SORBS2: variants seen among roughly 807,000 people sequenced by gnomAD.
SORBS2 encodes sorbin and SH3 domain-containing protein 2.
In SORBS2, 46 loss-of-function variants were observed where a neutral mutation model predicts 97.7. That is an observed-to-expected ratio of 0.47 (90% confidence interval 0.37 to 0.60). The LOEUF (loss-of-function observed/expected upper bound fraction) is 0.60. Ranked by LOEUF, SORBS2 falls within the 20% of genes least tolerant of loss-of-function variation. The pLI is 0.00. For missense variants in SORBS2, 1,316 were observed against 1,282.3 expected (o/e 1.03, Z -0.40); for synonymous variants, 476 against 473.4 (o/e 1.01, Z -0.07).
chr4:185,752,291 T>C (rs1227444968), intron 2 of SORBS2, among the ~76,000 whole-genome samples: 7 of 152,212 alleles, frequency 4.6e-5, no homozygotes, highest in African/African-American at 1.7e-4. Context: ...TATTTACTTA[T>C]ATGAGACAGA....
chr4:185,903,249 C>T (rs2099248708), intron 1 of SORBS2, among the ~76,000 whole-genome samples: 1 of 152,132 alleles, frequency 6.6e-6, no homozygotes, highest in African/African-American at 2.4e-5. Flanking sequence ...CAAAATGTTT[C>T]ATGGCTAATT....
chr4:185,746,319 C>T (rs530239894), intron 2 of SORBS2, among the ~76,000 whole-genome samples: 407 of 151,982 alleles, frequency 2.7e-3, no homozygotes, highest in African/African-American at 9.3e-3. Flanking sequence ...TCTTCTTTTT[C>T]TTTTTGTTCT....
chr4:185,612,491 A>AT (rs112327583), intron 11 of SORBS2, among the ~76,000 whole-genome samples: 16,521 of 114,868 alleles, frequency 0.14, 1,127 homozygotes, highest in Admixed American at 0.2. Context: ...TTTTATTTCT[A>AT]TTTTTTTTTT....
chr4:185,855,773 ACCACACAT>A (rs1394707407), intron 1 of SORBS2, among the ~76,000 whole-genome samples: 2 of 152,110 alleles, frequency 1.3e-5, no homozygotes, highest in Non-Finnish European at 2.9e-5. Context: ...TTCCTTCACC[ACCACACAT>A]CCTATCTAAG....
Position 185,928,550 on chromosome 4 carries a change from T to C in SORBS2, c.-338+27646A>G, listed in dbSNP as rs144381110. Among the ~76,000 whole-genome samples, 72 of 152,242 alleles carry C rather than the reference T, an allele frequency of 4.7e-4. No homozygotes were observed. In the East Asian group the frequency reaches 0.011, roughly 23 times the overall value. ...ATGGATTTCATGTATAAGAAGCTTC[T>C]TCTTCTTTTTTTTGAGACGGAGTTT... is the stretch of plus-strand genomic sequence containing the variant. On this transcript the variant is annotated intron_variant, in intron 1 of 20. Coordinates refer to the SORBS2 transcript ENST00000284776.
intron 1 of SORBS2, among the ~76,000 whole-genome samples, chr4:185,845,138 T>C (rs1284392768): frequency 6.6e-6 from 1 of 151,224 alleles, no homozygotes; most frequent in African/African-American, 2.4e-5. Context: ...TCAGCCCCCC[T>C]AGTACCTGGG....
intron 1 of SORBS2, among the ~76,000 whole-genome samples, chr4:185,955,267 T>C (rs1316522716): frequency 1.3e-5 from 2 of 152,224 alleles, no homozygotes; most frequent in Non-Finnish European, 2.9e-5. Flanking sequence ...TGATGTGTGA[T>C]GTCACTTGTC....
intron 1 of SORBS2, chr4:185,656,548 C>CTTTA: frequency 8.2e-7 from 1 of 1,224,162 alleles, no homozygotes; most frequent in South Asian, 1.4e-5. Context: ...CACACCCCAG[C>CTTTA]TTTACATGGG....
intron 1 of SORBS2, among the ~76,000 whole-genome samples, chr4:185,862,188 G>A (rs2099224201): frequency 6.6e-6 from 1 of 152,202 alleles, no homozygotes; most frequent in Non-Finnish European, 1.5e-5. Context: ...GCATTACTAA[G>A]AGCAACAGCA....
chr4:185,746,642 G>T (rs890391865), intron 2 of SORBS2, among the ~76,000 whole-genome samples: 3 of 152,128 alleles, frequency 2.0e-5, no homozygotes, highest in African/African-American at 4.8e-5. Flanking sequence ...TTTCTTAGGT[G>T]GGAATGGAGT....
rs764523635 is a variant in SORBS2 at position 185,615,138 on chromosome 4, T to A, written c.2373A>T (p.Gly791=). The A allele has an allele frequency of 1.9e-6, 3 of 1,610,810 alleles. No homozygotes were observed. The Admixed American group carries it at 5.0e-5, about 27-fold the overall frequency. The stretch of plus-strand genomic sequence containing the variant: ...TTTTCCTGAGGATGTAGACAGTATC[T>A]CCTTTCTTAAATGACAACTCCCTGG... The change falls in exon 10 of 15, where the codon GGA becomes GGT. Residue 791 remains glycine (G), a synonymous_variant. Transcript: ENST00000418609.
rs150516870 is a variant in SORBS2 at position 185,705,507 on chromosome 4, C to T, written c.-197-26685G>A. ...GTTGCAGTGAGCCAAGGTCGCGCCA[C>T]TGTACTCCAGCCTGGCGACAGAGCA... is the stretch of plus-strand genomic sequence containing the variant. On this transcript the variant is annotated intron_variant, in intron 2 of 20. Transcript: ENST00000284776. 7.9e-3 allele frequency among the ~76,000 whole-genome samples: 1,205 copies of T among 151,866 alleles called. 19 individuals carry two copies. Among genetic ancestry groups the T allele is most frequent in the African/African-American group, 0.028 (1,179 of 41,404 alleles).
At chr4:185,624,717 CAG>C (rs761641420) in intron 6 of SORBS2, among the ~76,000 whole-genome samples, 35 of 152,180 alleles carry the variant, frequency 2.3e-4, no homozygotes, top group Non-Finnish European at 4.0e-4. Context: ...TGTAGCTTTG[CAG>C]AGAGAGTTGA....
upstream of SORBS2, chr4:185,657,532 G>T (rs755162093): frequency 1.3e-6 from 2 of 1,582,516 alleles, no homozygotes; most frequent in African/African-American, 2.8e-5. Context: ...ATCGGTACAG[G>T]GGGATAGAGC....
intron 9 of SORBS2, among the ~76,000 whole-genome samples, chr4:185,617,471 C>G (rs2096646667): frequency 6.6e-6 from 1 of 151,974 alleles, no homozygotes; most frequent in African/African-American, 2.4e-5. Flanking sequence ...GAGACAGTTT[C>G]TAGAGCTATT....
intron 1 of SORBS2, among the ~76,000 whole-genome samples, chr4:185,802,783 C>T (rs555005343): frequency 1.3e-5 from 2 of 152,254 alleles, no homozygotes; most frequent in African/African-American, 2.4e-5. Context: ...TGACACTTGC[C>T]AGATGAAATT....
intron 2 of SORBS2, among the ~76,000 whole-genome samples, chr4:185,753,921 T>C (rs10027501): frequency 0.32 from 48,383 of 152,064 alleles, 8,090 homozygotes; most frequent in African/African-American, 0.4. Flanking sequence ...AACAGAACTA[T>C]CATTGACCCA....
chr4:185,659,642 C>T (rs1344445160), upstream of SORBS2, among the ~76,000 whole-genome samples: 1 of 151,674 alleles, frequency 6.6e-6, no homozygotes, highest in Admixed American at 6.6e-5. Context: ...AGACTGGCCT[C>T]GATCTCCTGA....
intron 1 of SORBS2, among the ~76,000 whole-genome samples, chr4:185,921,030 G>A (rs890614633): frequency 6.6e-6 from 1 of 152,202 alleles, no homozygotes; most frequent in African/African-American, 2.4e-5. Flanking sequence ...GAGAGGCAGA[G>A]GGCTGGGCGG....
Sources: gnomAD v4.1 joint callset for allele counts (sites outside exome capture counted in the v4.1 genomes callset) on GRCh38, gnomAD v4.1.1 for gene constraint, MANE v1.5 for transcripts, NCBI Gene and HGNC (gene_info 2026-07-23, HGNC 2026-07-21) for gene names.